The following UBAP1 variants were observed in gnomAD, a reference collection of about 807,000 sequenced individuals.
UBAP1 encodes ubiquitin associated protein 1.
Under a neutral mutation model 39.0 loss-of-function variants are expected in UBAP1, and 5 were observed. That is an observed-to-expected ratio of 0.13 (90% CI 0.07 to 0.27). The LOEUF is 0.27. Ranked by LOEUF, UBAP1 falls within the 10% of genes least tolerant of loss-of-function variation. UBAP1 has a pLI of 1.00. For synonymous variants in UBAP1, 211 were observed against 225.1 expected (o/e 0.94, Z 0.56); for missense variants, 490 against 608.1 (o/e 0.81, Z 2.04).
chr9:34,226,131 G>GTGTGTGTGTGTGTT (rs1563911323), intron 2 of UBAP1, among the ~76,000 whole-genome samples: 10 of 143,686 alleles, frequency 7.0e-5, no homozygotes, highest in South Asian at 2.2e-4. Flanking sequence ...GTGTGTGTGT[G>GTGTGTGTGTGTGTT]TGTGTGTGTG....
In UBAP1 at chr9:34,190,802, CT is replaced by C. The variant is rs373942127; in HGVS notation, c.-8+11579del. The stretch of plus-strand genomic sequence containing the variant: ...CAGGCTCATGCCACCATGCCTGGCT[CT>C]TTTTTTTTTTTTTTTTGTATTTTTT... On this transcript the variant is annotated intron_variant, in intron 1 of 6. Transcript: ENST00000297661. 6.6e-3 allele frequency among the ~76,000 whole-genome samples: 770 copies of C among 116,638 alleles called. 5 individuals carry two copies. The highest frequency in any genetic ancestry group is 0.022 in the African/African-American group (692 of 30,896). The allele number at this position is 116,638 out of a possible 152,430, so 76.5% of individuals were successfully genotyped here.
chr9:34,200,127 T>G (rs998711261), intron 1 of UBAP1, among the ~76,000 whole-genome samples: 1 of 152,198 alleles, frequency 6.6e-6, no homozygotes, highest in African/African-American at 2.4e-5. Context: ...TGGTTTTGTC[T>G]GCTGTTTTCC....
chr9:34,251,268 G>A, intron 6 of UBAP1, 124 bp from the exon 7 acceptor site: 2 of 1,071,208 alleles, frequency 1.9e-6, no homozygotes, highest in African/African-American at 1.6e-5. Context: ...GACTCACGGG[G>A]CTCTGGGGGA....
chr9:34,214,455 T>C (rs764297574), intron 1 of UBAP1, among the ~76,000 whole-genome samples: 3 of 152,118 alleles, frequency 2.0e-5, no homozygotes, highest in Admixed American at 6.6e-5. Context: ...ACTGGGATAA[T>C]TGGCTGGCCA....
In UBAP1 at chr9:34,226,105, TTGTGTGTG is replaced by T. The variant is rs74180553; in HGVS notation, c.34+5202_34+5209del. 9.4e-3 allele frequency among the ~76,000 whole-genome samples: 828 copies of T among 88,274 alleles called. 5 individuals carry two copies. Among genetic ancestry groups the T allele is most frequent in the Middle Eastern group, 0.011 (2 of 188 alleles). The allele number at this position is 88,274 out of a possible 152,430, so 57.9% of individuals were successfully genotyped here. A position where few individuals can be genotyped will look rare whatever the true frequency, so the allele number is the denominator to read the frequency against. ...CCTTCTAAAGTTTCCTCCTACTCTA[TTGTGTGTG>T]TGTGTGTGTGTGTGTGTGTGTGTGT... On this transcript the variant is annotated intron_variant, in intron 2 of 6. Transcript: ENST00000297661.
intron 3 of UBAP1, among the ~76,000 whole-genome samples, chr9:34,239,697 T>C (rs577602242): frequency 8.7e-4 from 133 of 152,306 alleles, no homozygotes; most frequent in African/African-American, 3.0e-3. Context: ...TTTTAACTTC[T>C]GCAAGCCTCA....
chr9:34,230,586 G>C (rs531309408), intron 2 of UBAP1, among the ~76,000 whole-genome samples: 1 of 152,182 alleles, frequency 6.6e-6, no homozygotes, highest in Admixed American at 6.5e-5. Flanking sequence ...AAAGAAAACA[G>C]ACAAAAATTC....
chr9:34,241,082 C>T (rs1833930613), intron 3 of UBAP1, 103 bp from the exon 4 acceptor site: 1 of 797,056 alleles, frequency 1.3e-6, no homozygotes, highest in East Asian at 2.8e-5. Context: ...GCTGCCTTGT[C>T]CGGTTATCCT....
intron 2 of UBAP1, among the ~76,000 whole-genome samples, chr9:34,225,504 G>A (rs558972148): frequency 1.4e-4 from 21 of 151,926 alleles, no homozygotes; most frequent in Non-Finnish European, 3.1e-4. Flanking sequence ...CTGGCTGGGC[G>A]CGGTGGCTCA....
At chr9:34,212,057 G>T in intron 1 of UBAP1, 1 of 402,382 alleles carries the variant, frequency 2.5e-6, no homozygotes, top group Non-Finnish European at 5.0e-6. Context: ...AAAAGAATAT[G>T]TTTTATTGTT....
chr9:34,250,061 C>T (rs1834392575), intron 5 of UBAP1, 100 bp downstream of exon 5: 1 of 1,299,900 alleles, frequency 7.7e-7, no homozygotes, highest in Admixed American at 2.1e-5. Context: ...CACCAACCTC[C>T]TTTCCTGTGG....
chr9:34,198,840 ACT>A (rs1265373290), intron 1 of UBAP1, among the ~76,000 whole-genome samples: 1 of 151,974 alleles, frequency 6.6e-6, no homozygotes, highest in Non-Finnish European at 1.5e-5. Flanking sequence ...CCAGGGGATC[ACT>A]CTCTGGCCCC....
At chr9:34,232,001 G>C (rs1221490073) in intron 2 of UBAP1, among the ~76,000 whole-genome samples, 1 of 152,070 alleles carries the variant, frequency 6.6e-6, no homozygotes, top group Non-Finnish European at 1.5e-5. Flanking sequence ...AATACAAAGA[G>C]GTAAGTCCTA....
chr9:34,236,424 T>C (rs1833705428), intron 3 of UBAP1, among the ~76,000 whole-genome samples: 1 of 152,184 alleles, frequency 6.6e-6, no homozygotes, highest in African/African-American at 2.4e-5. Flanking sequence ...TTAGAGCGTA[T>C]CCTTGTCATT....
chr9:34,247,064 T>TAA (rs1793656378), intron 4 of UBAP1, among the ~76,000 whole-genome samples: 1 of 152,170 alleles, frequency 6.6e-6, no homozygotes, highest in South Asian at 2.1e-4. Flanking sequence ...TAATGGTGTT[T>TAA]AAAAAGTCAT....
chr9:34,194,841 G>A (rs1830933052), intron 1 of UBAP1, among the ~76,000 whole-genome samples: 1 of 152,096 alleles, frequency 6.6e-6, no homozygotes, highest in Non-Finnish European at 1.5e-5. Context: ...GCAGTGGGGG[G>A]TTGTATACCA....
chr9:34,231,164 TG>T (rs1812299046), intron 2 of UBAP1, among the ~76,000 whole-genome samples: 1 of 109,982 alleles, frequency 9.1e-6, no homozygotes, highest in Admixed American at 9.9e-5. Flanking sequence ...TGTGTGTGTG[TG>T]TGTGTGTGTG....
intron 3 of UBAP1, among the ~76,000 whole-genome samples, chr9:34,237,970 C>A (rs1833785838): frequency 6.6e-6 from 1 of 152,166 alleles, no homozygotes; most frequent in Non-Finnish European, 1.5e-5. Context: ...ATTTTCATCA[C>A]CCCAAAAGGA....
At chr9:34,180,885 G>A (rs530163849) in intron 1 of UBAP1, among the ~76,000 whole-genome samples, 210 of 141,448 alleles carry the variant, frequency 1.5e-3, no homozygotes, top group Non-Finnish European at 2.4e-3. Context: ...ATCTTGGCTT[G>A]CTGCAACCTC....
Sources: gnomAD v4.1 joint callset for allele counts (sites outside exome capture counted in the v4.1 genomes callset) on GRCh38, gnomAD v4.1.1 for gene constraint, MANE v1.5 for transcripts, NCBI Gene and HGNC (gene_info 2026-07-23, HGNC 2026-07-21) for gene names.